The following PHLDB1 variants were observed in gnomAD, a reference collection of about 807,000 sequenced individuals.
PHLDB1 encodes the protein pleckstrin homology-like domain family B member 1.
In PHLDB1, 65 loss-of-function variants were observed where a neutral mutation model predicts 139.3. The observed-to-expected ratio is 0.47, with a 90% CI of 0.38 to 0.57. PHLDB1 has a LOEUF of 0.57. Among genes scored for constraint, PHLDB1 ranks in the 20% least tolerant of loss-of-function variants. The probability of loss-of-function intolerance (pLI) is 0.00; values close to 1 mark genes in which losing one functional copy is unlikely to be tolerated. For synonymous variants in PHLDB1, 679 were observed against 734.5 expected (o/e 0.92, Z 1.22); for missense variants, 1,624 against 1,839.7 (o/e 0.88, Z 2.14).
rs1948142238 is a variant in PHLDB1, at chr11:118,650,132, C to T, written c.3710C>T (p.Thr1237Ile). The change falls in exon 19 of 23, where the codon ACA becomes ATA. Residue 1237 changes from threonine (T) to isoleucine (I), a missense_variant. Thr to Ile is a moderately conservative substitution (Grantham distance 89). Coordinates refer to ENST00000600882, the MANE Select transcript of PHLDB1 (RefSeq NM_001144758.3). The surrounding 1 kb of genome is among the most constrained non-coding windows in gnomAD (Gnocchi z 4.7). ...PIRKEDFDLK[T>I]HIESSGHGVD... ...CGGAAGGAGGACTTTGACCTGAAGA[C>T]ACATATTGAGTCATCGGGCCATGGT... 1 of 1,614,226 alleles carries T rather than the reference C, an allele frequency of 6.2e-7. No individual in the cohort carries two copies. Among genetic ancestry groups the T allele is most frequent in the Non-Finnish European group, 8.5e-7 (1 of 1,180,030 alleles).
intron 12 of PHLDB1, chr11:118,642,006 C>T (rs1946610762): frequency 3.3e-6 from 2 of 611,670 alleles, no homozygotes; most frequent in South Asian, 1.9e-5. Context: ...ACATTCAGGG[C>T]AACTGTTGTC....
rs1948159560 is a variant in PHLDB1, at chr11:118,650,251, G to T, written c.3771+58G>T. The T allele has an allele frequency of 7.6e-7, 1 of 1,317,808 alleles. No homozygotes were observed. Among genetic ancestry groups the T allele is most frequent in the Non-Finnish European group, 1.1e-6 (1 of 910,362 alleles). 81.6% of individuals were successfully genotyped at this position (1,317,808 alleles called of 1,614,324 possible). On this transcript the variant is annotated intron_variant, in intron 19 of 22. Coordinates refer to ENST00000600882, the MANE Select transcript of PHLDB1 (RefSeq NM_001144758.3). This position sits in a 1 kb window ranked among gnomAD's most constrained non-coding sequence, Gnocchi z 4.7. ...GAGAGGGAGAATCCCGTGGTGAGAG[G>T]CACCTCCTGGGTCGTTGGAATAGTG...
At chr11:118,637,810 C>T (rs757131855) in intron 10 of PHLDB1, 1 of 152,370 alleles carries the variant, frequency 6.6e-6, no homozygotes, top group African/African-American at 2.4e-5. Flanking sequence ...TCTCATCCTT[C>T]CCCCTTACTT....
In PHLDB1 at chr11:118,608,504, G is replaced by C. The variant is rs1261128889; in HGVS notation, c.-22+805G>C. Among the ~76,000 whole-genome samples, 1 of 152,148 alleles carries C rather than the reference G, an allele frequency of 6.6e-6. No individual in the cohort carries two copies. Among genetic ancestry groups the C allele is most frequent in the African/African-American group, 2.4e-5 (1 of 41,444 alleles). On this transcript the variant is annotated intron_variant, in intron 1 of 22. Coordinates refer to ENST00000600882, the MANE Select transcript of PHLDB1 (RefSeq NM_001144758.3). This position sits in a 1 kb window ranked among gnomAD's most constrained non-coding sequence, Gnocchi z 6.7. Reference sequence around the variant, plus strand: ...CCCGCTAGCGCTTCCGCCGAGGCAGGCTCGAGTGGGGACTTGGCCGGGCGA... The same window carrying C: ...CCCGCTAGCGCTTCCGCCGAGGCAGCCTCGAGTGGGGACTTGGCCGGGCGA...
intron 18 of PHLDB1, among the ~76,000 whole-genome samples, 157 bp downstream of exon 18, chr11:118,648,233 A>C (rs1198121673): frequency 6.7e-6 from 1 of 150,306 alleles, no homozygotes; most frequent in South Asian, 2.1e-4. Context: ...CCTGGGACTC[A>C]TTGACCCCAA....
chr11:118,631,763 A>G, intron 7 of PHLDB1, 150 bp from the exon 8 acceptor site: 1 of 964,270 alleles, frequency 1.0e-6, no homozygotes, highest in Non-Finnish European at 1.5e-6. Context: ...CTCCCCTCAA[A>G]GGTGGGGGTT....
At chr11:118,641,910 T>A in intron 12 of PHLDB1, 5 of 663,202 alleles carry the variant, frequency 7.5e-6, no homozygotes, top group Non-Finnish European at 1.1e-5. Context: ...GCCTGCAGGC[T>A]CTGTCTGGTG....
chr11:118,642,433 C>G (rs782344800), intron 13 of PHLDB1, 39 bp downstream of exon 13: 1 of 1,590,644 alleles, frequency 6.3e-7, no homozygotes, highest in South Asian at 1.1e-5. Context: ...CCAGCCTTTG[C>G]ACCTGTCCAC....
intron 18 of PHLDB1, 102 bp from the exon 19 acceptor site, chr11:118,649,975 T>A: frequency 1.2e-6 from 1 of 829,880 alleles, no homozygotes; most frequent in Non-Finnish European, 2.1e-6. Context: ...TAGGGAGGTG[T>A]GATGTCAGGC....
Position 118,628,295 on chromosome 11 carries a change from G to A in PHLDB1, c.1472G>A (p.Arg491Gln), listed in dbSNP as rs782792303. Residue 491 changes from arginine to glutamine, a missense_variant, in exon 6 of 23, where the codon CGG (arginine) becomes CAG (glutamine). Transcript: ENST00000600882. Reference protein sequence around the residue: ...KLNREVAESPRPRRWAAHGAS... With the variant: ...KLNREVAESPQPRRWAAHGAS... Reference sequence around the variant, plus strand: ...AACAGGGAAGTGGCAGAGAGTCCTCGGCCCCGGCGCTGGGCAGCCCATGGG... The same window carrying A: ...AACAGGGAAGTGGCAGAGAGTCCTCAGCCCCGGCGCTGGGCAGCCCATGGG... 9.9e-6 allele frequency: 16 copies of A among 1,613,674 alleles called. No homozygotes were observed. Among genetic ancestry groups the A allele is most frequent in the African/African-American group, 2.7e-5 (2 of 74,882 alleles).
intron 4 of PHLDB1, among the ~76,000 whole-genome samples, chr11:118,623,426 CT>C (rs1348285779): frequency 2.0e-5 from 3 of 152,196 alleles, no homozygotes; most frequent in African/African-American, 7.2e-5. Context: ...CCAGGTGCCC[CT>C]GGCTACATTT....
chr11:118,627,162 G>C (rs1591561570), intron 5 of PHLDB1, 143 bp from the exon 6 acceptor site: 1 of 763,874 alleles, frequency 1.3e-6, no homozygotes, highest in East Asian at 2.6e-5. Context: ...CAGTGGCAGA[G>C]CTAGCTGGTA....
In PHLDB1 at chr11:118,645,439, G is replaced by T; in HGVS notation, c.3205G>T (p.Ala1069Ser). ...AGCTGAGGCACAGTGCCAGTGGGAT[G>T]CCCTTCACGGGGCAGCACCCTTCCC... ...AAAEAQCQWD[A>S]LHGAAPFPAG... The change falls in exon 16 of 23, where the codon GCC (alanine) becomes TCC (serine). Residue 1069 changes from alanine to serine, a missense_variant. Ala to Ser is a moderately conservative substitution (Grantham distance 99, BLOSUM62 1). Transcript: ENST00000600882. The surrounding 1 kb of genome is among the most constrained non-coding windows in gnomAD (Gnocchi z 5.1). 6.3e-7 allele frequency: 1 copy of T among 1,583,922 alleles called. No individual in the cohort carries two copies. The highest frequency in any genetic ancestry group is 8.6e-7 in the Non-Finnish European group (1 of 1,166,304).
chr11:118,628,100 G>T lies in PHLDB1; in HGVS notation c.1277G>T (p.Gly426Val). The change falls in exon 6 of 23, where the codon GGC becomes GTC. Residue 426 changes from glycine to valine, a missense_variant. Transcript: ENST00000600882. ...LTTSPSRQLV[G>V]RTFSDGLATR... ...ACCAGCCCCTCACGCCAACTGGTGG[G>T]CCGAACATTTTCAGATGGGTTAGCC... is the stretch of plus-strand genomic sequence containing the variant. 1 of 1,613,950 alleles carries T rather than the reference G, an allele frequency of 6.2e-7. No homozygotes were observed. Among genetic ancestry groups the T allele is most frequent in the Non-Finnish European group, 8.5e-7 (1 of 1,179,988 alleles).
intron 1 of PHLDB1, 106 bp downstream of exon 1, chr11:118,607,805 T>A (rs1227599239): frequency 2.6e-5 from 4 of 152,238 alleles, no homozygotes; most frequent in African/African-American, 9.7e-5. Flanking sequence ...AGATCAGCTC[T>A]AGGCTAGGGA....
At chr11:118,649,735 GC>G (rs1948088564) in intron 18 of PHLDB1, among the ~76,000 whole-genome samples, 1 of 152,274 alleles carries the variant, frequency 6.6e-6, no homozygotes, top group East Asian at 1.9e-4. Context: ...TTCTTATTGG[GC>G]TTTTCTTCCC....
Position 118,608,637 on chromosome 11 carries a change from C to T in PHLDB1, c.-22+938C>T, listed in dbSNP as rs1383663265. ...AGGCTGACTCATCGGGCGGCGGGCT[C>T]ACCCCCCAGCCGTCAAACGCAAACG... On this transcript the variant is annotated intron_variant, in intron 1 of 22. Coordinates refer to ENST00000600882, the MANE Select transcript of PHLDB1 (RefSeq NM_001144758.3). The surrounding 1 kb of genome is among the most constrained non-coding windows in gnomAD (Gnocchi z 6.7). Among the ~76,000 whole-genome samples the T allele has an allele frequency of 3.3e-5, 5 of 152,122 alleles. No individual in the cohort carries two copies. Among genetic ancestry groups the T allele is most frequent in the Non-Finnish European group, 5.9e-5 (4 of 67,982 alleles).
chr11:118,642,059 C>T (rs1010944838), intron 12 of PHLDB1, 195 bp from the exon 13 acceptor site: 10 of 594,728 alleles, frequency 1.7e-5, no homozygotes, highest in African/African-American at 7.5e-5. Context: ...TCCTTTCTCC[C>T]TTCCTTCCTC....
chr11:118,649,705 T>C (rs965553305), intron 18 of PHLDB1, among the ~76,000 whole-genome samples: 1 of 152,152 alleles, frequency 6.6e-6, no homozygotes, highest in African/African-American at 2.4e-5. Context: ...CAAGGTCCCA[T>C]GCGAAGTCAG....
Sources: gnomAD v4.1 joint callset for allele counts (sites outside exome capture counted in the v4.1 genomes callset) on GRCh38, gnomAD v4.1.1 for gene constraint, Gnocchi (gnomAD v3.1) non-coding constraint, MANE v1.5 for transcripts, NCBI Gene and HGNC (gene_info 2026-07-23, HGNC 2026-07-21) for gene names.